LYRM4: variants seen among roughly 807,000 people sequenced by gnomAD.
LYRM4 encodes the protein LYR motif containing 4, also known as LYR motif-containing protein 4.
Under a neutral mutation model 11.7 loss-of-function variants are expected in LYRM4, and 9 were observed. The observed-to-expected ratio is 0.77, with a 90% CI of 0.46 to 1.34. The LOEUF (loss-of-function observed/expected upper bound fraction) is 1.34, where lower values mean the gene tolerates loss of function less well. Ranked by LOEUF, LYRM4 falls within the 40% of genes most tolerant of loss-of-function variation. LYRM4 has a pLI of 0.00. For missense variants in LYRM4, 133 were observed against 112.5 expected, an observed-to-expected ratio of 1.18 and a Z score of -0.82; for synonymous variants, 42 against 40.4, an observed-to-expected ratio of 1.04 and a Z score of -0.15.
the LYRM4 span, among the ~76,000 whole-genome samples, chr6:5,076,214 G>C: frequency 6.6e-6 from 1 of 152,070 alleles, no homozygotes; most frequent in Non-Finnish European, 1.5e-5. Context: ...CGGAAGTGTT[G>C]AGATTACAGG....
At chr6:5,159,497 A>G (rs1758623139) in intron 2 of LYRM4, among the ~76,000 whole-genome samples, 1 of 152,252 alleles carries the variant, frequency 6.6e-6, no homozygotes. Context: ...TATTTACAAC[A>G]AAGAGGCCAC....
chr6:5,109,975 G>C (rs533382065), intron 2 of LYRM4, among the ~76,000 whole-genome samples: 2 of 152,338 alleles, frequency 1.3e-5, no homozygotes, highest in Admixed American at 6.5e-5. Context: ...GGGTGGGGTC[G>C]AGGGCAGTTG....
At chr6:5,131,943 T>TA (rs1172663961) in intron 2 of LYRM4, among the ~76,000 whole-genome samples, 1 of 145,166 alleles carries the variant, frequency 6.9e-6, no homozygotes, top group African/African-American at 2.5e-5. Flanking sequence ...ATCCCTGACT[T>TA]ACGCCTTTAT....
downstream of LYRM4, among the ~76,000 whole-genome samples, chr6:5,101,294 G>A (rs1218690148): frequency 5.3e-5 from 8 of 152,178 alleles, no homozygotes; most frequent in East Asian, 9.6e-4. Flanking sequence ...AACGCAAAAC[G>A]TTCTGTGATT....
At chr6:5,036,928 G>A in the LYRM4 span, among the ~76,000 whole-genome samples, 2 of 152,144 alleles carry the variant, frequency 1.3e-5, no homozygotes, top group South Asian at 4.1e-4. Flanking sequence ...CTAGGAGGGT[G>A]CCCTTCAAAG....
At chr6:5,036,584 C>T in the LYRM4 span, among the ~76,000 whole-genome samples, 9,421 of 152,260 alleles carry the variant, frequency 0.062, 450 homozygotes, top group African/African-American at 0.13. Context: ...CTCTGCCTGC[C>T]GTCTCCTTCT....
At chr6:5,137,005 C>T (rs1757134739) in intron 2 of LYRM4, 1 of 272,798 alleles carries the variant, frequency 3.7e-6, no homozygotes, top group Admixed American at 6.5e-5. Context: ...GTCCCATCCT[C>T]TCTAGCCCCT....
At chr6:5,082,259 A>G in the LYRM4 span, among the ~76,000 whole-genome samples, 1 of 152,182 alleles carries the variant, frequency 6.6e-6, no homozygotes, top group Non-Finnish European at 1.5e-5. Flanking sequence ...GTGGAGACAG[A>G]CACTAGCTCC....
At chr6:5,212,091 T>C (rs1431922194) in intron 2 of LYRM4, among the ~76,000 whole-genome samples, 1 of 152,236 alleles carries the variant, frequency 6.6e-6, no homozygotes, top group Non-Finnish European at 1.5e-5. Flanking sequence ...GGAAGGAAGG[T>C]GCCTCAGTGA....
At chr6:5,040,780 C>T in the LYRM4 span, among the ~76,000 whole-genome samples, 4 of 152,012 alleles carry the variant, frequency 2.6e-5, no homozygotes, top group South Asian at 2.1e-4. Context: ...ACACCTACTA[C>T]GTATCAGTAA....
chr6:5,079,486 C>T, the LYRM4 span, among the ~76,000 whole-genome samples: 600 of 152,336 alleles, frequency 3.9e-3, 6 homozygotes, highest in African/African-American at 0.014. Context: ...AAATAATCAA[C>T]GTGCCAAAAT....
At chr6:5,193,320 C>A (rs1055430827) in intron 2 of LYRM4, among the ~76,000 whole-genome samples, 5 of 150,394 alleles carry the variant, frequency 3.3e-5, no homozygotes, top group African/African-American at 1.2e-4. Flanking sequence ...AAAAAAAAAA[C>A]GCCTTAGCTT....
At chr6:5,165,634 C>G (rs755198756) in intron 2 of LYRM4, among the ~76,000 whole-genome samples, 5 of 151,974 alleles carry the variant, frequency 3.3e-5, no homozygotes, top group Non-Finnish European at 7.4e-5. Context: ...CCTCCACCTC[C>G]CAGGTTCAAA....
chr6:5,103,159 C>T (rs548478613), downstream of LYRM4: 1 of 152,222 alleles, frequency 6.6e-6, no homozygotes, highest in South Asian at 2.1e-4. Context: ...TCCAAGAAAG[C>T]CTGCTGAATC....
At chr6:5,186,784 G>C (rs1199349393) in intron 2 of LYRM4, 6 of 584,060 alleles carry the variant, frequency 1.0e-5, no homozygotes, top group Non-Finnish European at 1.5e-5. Context: ...AGGACTTCGA[G>C]ACCAGCCTGA....
At chr6:5,259,376 T>A (rs1352415138) in intron 1 of LYRM4, among the ~76,000 whole-genome samples, 2 of 152,240 alleles carry the variant, frequency 1.3e-5, no homozygotes, top group African/African-American at 4.8e-5. Flanking sequence ...TTACACTCTT[T>A]ATTCTCCAAA....
intron 2 of LYRM4, among the ~76,000 whole-genome samples, chr6:5,154,941 T>G (rs1367570316): frequency 6.6e-6 from 1 of 152,224 alleles, no homozygotes; most frequent in Non-Finnish European, 1.5e-5. Context: ...ACCCCAGGCC[T>G]GGGACTTTTA....
At chr6:5,170,925 T>C (rs566391205) in intron 2 of LYRM4, among the ~76,000 whole-genome samples, 5 of 152,354 alleles carry the variant, frequency 3.3e-5, no homozygotes, top group African/African-American at 9.6e-5. Flanking sequence ...CAACATATGA[T>C]GGTTACTGCG....
the LYRM4 span, chr6:5,085,052 C>G: frequency 5.5e-6 from 1 of 181,876 alleles, no homozygotes; most frequent in African/African-American, 2.4e-5. Context: ...ACCCCCACTT[C>G]GAGGCACTCA....
Sources: allele counts gnomAD v4.1 joint callset (sites outside exome capture counted in the v4.1 genomes callset), GRCh38; gene constraint gnomAD v4.1.1; transcripts MANE v1.5; gene names NCBI Gene and HGNC (gene_info 2026-07-23, HGNC 2026-07-21).